MACF1: variants seen among roughly 807,000 people sequenced by gnomAD.
MACF1 encodes the protein microtubule actin crosslinking factor 1.
In MACF1, 193 loss-of-function variants were observed where a neutral mutation model predicts 854.8. That is an observed-to-expected ratio of 0.23 (90% confidence interval 0.20 to 0.25). The LOEUF (loss-of-function observed/expected upper bound fraction) is 0.25, where lower values mean the gene tolerates loss of function less well. Among genes scored for constraint, MACF1 ranks in the 10% least tolerant of loss-of-function variants. The pLI is 1.00. For missense variants in MACF1, 7,722 were observed against 8,929.1 expected (o/e 0.86, Z 5.45); for synonymous variants, 3,185 against 3,226.7 (o/e 0.99, Z 0.44).
intron 36 of MACF1, among the ~76,000 whole-genome samples, chr1:39,330,714 G>A (rs528759858): frequency 9.2e-5 from 14 of 152,014 alleles, no homozygotes; most frequent in South Asian, 6.2e-4. Flanking sequence ...TCTTAACACC[G>A]GGTGGCTTGC....
At chr1:39,225,002 T>C (rs188595642) in intron 1 of MACF1, among the ~76,000 whole-genome samples, 1 of 151,956 alleles carries the variant, frequency 6.6e-6, no homozygotes, top group East Asian at 1.9e-4. Flanking sequence ...CTGGACAACA[T>C]ACTGACACCC....
At chr1:39,380,437 T>G (rs1650076943) in intron 55 of MACF1, 64 bp downstream of exon 55, 1 of 1,486,612 alleles carries the variant, frequency 6.7e-7, no homozygotes, top group Admixed American at 2.0e-5. Flanking sequence ...AGTAGAGAAT[T>G]TCAGCACATC....
chr1:39,470,649 A>C (rs1644759040), intron 97 of MACF1, among the ~76,000 whole-genome samples: 1 of 152,214 alleles, frequency 6.6e-6, no homozygotes, highest in South Asian at 2.1e-4. Flanking sequence ...CTTGTCTACA[A>C]AAAAGTAATT....
At chr1:39,213,942 C>G (rs543076546) in intron 1 of MACF1, among the ~76,000 whole-genome samples, 1 of 152,132 alleles carries the variant, frequency 6.6e-6, no homozygotes, top group Non-Finnish European at 1.5e-5. Context: ...GAGGGATACC[C>G]ACTTGGGAGT....
At position 39,336,456 on chromosome 1, in the gene MACF1, G is replaced by A. The variant is rs765872941; in HGVS notation, c.9868G>A (p.Ala3290Thr). The A allele has an allele frequency of 3.9e-5, 63 of 1,614,054 alleles. No homozygotes were observed. The highest frequency in any genetic ancestry group is 5.3e-5 in the Non-Finnish European group (62 of 1,180,026). ...SQKENTGQQN[A>T]IISPTVLETS... is the part of the protein sequence containing the mutation. Reference sequence around the variant, plus strand: ...AAAAGAGAATACAGGGCAACAGAATGCCATCATTAGTCCTACTGTTCTAGA... The same window carrying A: ...AAAAGAGAATACAGGGCAACAGAATACCATCATTAGTCCTACTGTTCTAGA... The change falls in exon 37 of 101, where the codon GCC (alanine) becomes ACC (threonine). Residue 3290 changes from alanine to threonine, a missense_variant. Ala to Thr is a moderately conservative substitution (Grantham distance 58). Coordinates refer to ENST00000564288, the MANE Select transcript of MACF1 (RefSeq NM_001394062.1).
At chr1:39,342,367 CAT>C (rs1296034409) in intron 40 of MACF1, among the ~76,000 whole-genome samples, 6 of 151,982 alleles carry the variant, frequency 3.9e-5, no homozygotes, top group South Asian at 2.1e-4. Flanking sequence ...CATACACACA[CAT>C]GTGTCTTTAT....
At chr1:39,473,997 C>T (rs1050020461) in intron 97 of MACF1, among the ~76,000 whole-genome samples, 12 of 152,078 alleles carry the variant, frequency 7.9e-5, no homozygotes, top group African/African-American at 2.2e-4. Flanking sequence ...CTCACGTGTA[C>T]AATCCCAACA....
intron 49 of MACF1, among the ~76,000 whole-genome samples, chr1:39,364,756 T>C (rs931548909): frequency 1.4e-4 from 22 of 151,732 alleles, no homozygotes; most frequent in African/African-American, 5.3e-4. Context: ...CCTCCCAAAG[T>C]GCTGGGATTA....
At position 39,387,315 on chromosome 1, in the gene MACF1, A is replaced by G. The variant is rs1272019629; in HGVS notation, c.14473A>G (p.Lys4825Glu). The G allele has an allele frequency of 6.2e-7, 1 of 1,614,214 alleles. No homozygotes were observed. Among genetic ancestry groups the G allele is most frequent in the Admixed American group, 1.7e-5 (1 of 60,018 alleles). ...AGCAAAAAACTGCCCAATTTCTGCAAAATTGGAGCGGCTACAGTCTCAGCT... is the reference window on the plus strand; with the variant it reads ...AGCAAAAAACTGCCCAATTTCTGCAGAATTGGAGCGGCTACAGTCTCAGCT... The part of the protein sequence containing the change: ...QQAKNCPISA[K>E]LERLQSQLQE... The change falls in exon 58 of 101, where the codon AAA becomes GAA. Residue 4825 changes from lysine (K) to glutamate (E), a missense_variant. Transcript: ENST00000564288.
chr1:39,422,276 C>T (rs1643571208), intron 58 of MACF1, 98 bp from the exon 59 acceptor site: 1 of 902,466 alleles, frequency 1.1e-6, no homozygotes, highest in South Asian at 2.0e-5. Flanking sequence ...GGTCGTCTTT[C>T]ATTAAGTCAT....
Position 39,105,096 on chromosome 1 carries a change from C to A in MACF1, c.220+20658C>A, listed in dbSNP as rs1252133942. 6.6e-6 allele frequency among the ~76,000 whole-genome samples: 1 copy of A among 152,148 alleles called. No individual in the cohort carries two copies. Among genetic ancestry groups the A allele is most frequent in the Non-Finnish European group, 1.5e-5 (1 of 67,996 alleles). ...CGGCCGGCCCAGCCTTTCATCCTGA[C>A]GCGCGGGGCCTCCCACCCAGCGGGA... On this transcript the variant is annotated intron_variant, in intron 2 of 93. Coordinates refer to the MACF1 transcript ENST00000361689. This position sits in a 1 kb window ranked among gnomAD's most constrained non-coding sequence, Gnocchi z 5.9.
intron 49 of MACF1, among the ~76,000 whole-genome samples, chr1:39,366,781 G>A (rs544119924): frequency 4.5e-5 from 6 of 133,666 alleles, no homozygotes; most frequent in East Asian, 2.2e-4. Context: ...TGCAACCTCC[G>A]CCTCCTGGGT....
In MACF1 at chr1:39,146,099, A is replaced by G. The variant is rs1253411009; in HGVS notation, c.220+61661A>G. On this transcript the variant is annotated intron_variant, in intron 2 of 93. Coordinates refer to the MACF1 transcript ENST00000361689. ...CATGTTTATTACAGCACTGTTCACA[A>G]TAGCCAAGATTTGGAAGCCACCTAA... 3.9e-5 allele frequency among the ~76,000 whole-genome samples: 6 copies of G among 152,312 alleles called. No homozygotes were observed. The East Asian group carries it at 9.6e-4, about 24-fold the overall frequency.
At chr1:39,412,915 C>G (rs749733969) in intron 58 of MACF1, 1 of 1,607,120 alleles carries the variant, frequency 6.2e-7, no homozygotes, top group Non-Finnish European at 8.5e-7. Flanking sequence ...TGAGGACATC[C>G]TAGTTGCTTC....
chr1:39,144,239 C>T (rs1388834026), intron 2 of MACF1, among the ~76,000 whole-genome samples: 1 of 151,966 alleles, frequency 6.6e-6, no homozygotes, highest in Non-Finnish European at 1.5e-5. Context: ...TGCCACCACC[C>T]CCAGCTAATT....
chr1:39,424,038 G>T lies in MACF1; in HGVS notation c.16160G>T (p.Arg5387Leu). The T allele has an allele frequency of 6.2e-7, 1 of 1,610,122 alleles. No homozygotes were observed. Among genetic ancestry groups the T allele is most frequent in the Admixed American group, 1.7e-5 (1 of 59,516 alleles). The change falls in exon 61 of 101, where the codon CGG (arginine) becomes CTG (leucine). Residue 5387 changes from arginine to leucine, a missense_variant. By Grantham distance (102) the Arg-to-Leu change is moderately radical. Coordinates refer to ENST00000564288, the MANE Select transcript of MACF1 (RefSeq NM_001394062.1). Reference protein sequence around the residue: ...AQIQEQKLLQRLLDDRKATVD... With the variant: ...AQIQEQKLLQLLLDDRKATVD... ...TTCTCTTTATAATAGTTGCTCCAGC[G>T]GCTCCTAGATGATCGAAAGGCCACA...
chr1:39,126,355 C>G (rs1642859761), intron 2 of MACF1, among the ~76,000 whole-genome samples: 2 of 152,182 alleles, frequency 1.3e-5, no homozygotes, highest in African/African-American at 2.4e-5. Flanking sequence ...TTTTATAACA[C>G]TAGTTATATT....
chr1:39,317,209 C>T lies in MACF1; in HGVS notation c.3589-5C>T, dbSNP rs374070568. 1.9e-6 allele frequency: 3 copies of T among 1,612,840 alleles called. No individual in the cohort carries two copies. Among genetic ancestry groups the T allele is most frequent in the Admixed American group, 1.7e-5 (1 of 59,724 alleles). On this transcript the variant is annotated splice_polypyrimidine_tract_variant and splice_region_variant and intron_variant, in intron 28 of 100. Transcript: ENST00000564288. ...CAACCTGTTTCTGTACTTATGTTTC[C>T]ACAGCACTGGCTTAGTGATGTGAAG...
intron 21 of MACF1, among the ~76,000 whole-genome samples, chr1:39,297,958 G>A (rs1310132862): frequency 6.6e-6 from 1 of 151,794 alleles, no homozygotes; most frequent in Non-Finnish European, 1.5e-5. Flanking sequence ...GATTTCTTTG[G>A]GTATGTTATT....
Sources: gnomAD v4.1 joint callset for allele counts (sites outside exome capture counted in the v4.1 genomes callset) on GRCh38, gnomAD v4.1.1 for gene constraint, Gnocchi (gnomAD v3.1) non-coding constraint, MANE v1.5 for transcripts, NCBI Gene and HGNC (gene_info 2026-07-23, HGNC 2026-07-21) for gene names.